The following PCDHA5 variants were observed in gnomAD, a reference collection of about 807,000 sequenced individuals.
PCDHA5 encodes protocadherin alpha-5.
PCDHA5 carries 43 observed loss-of-function variants against 61.6 expected under a neutral mutation model. The observed-to-expected ratio is 0.70, with a 90% CI of 0.55 to 0.90. The LOEUF (loss-of-function observed/expected upper bound fraction) is 0.90, where lower values mean the gene tolerates loss of function less well. Among genes scored for constraint, PCDHA5 ranks in the 40% least tolerant of loss-of-function variants. PCDHA5 has a pLI of 0.00. For missense variants in PCDHA5, 1,298 were observed against 1,222.7 expected (o/e 1.06, Z -0.92); for synonymous variants, 627 against 543.9 (o/e 1.15, Z -2.13).
rs2150530468 is a variant in PCDHA5 at position 140,853,294 on chromosome 5, A to G, written c.2352+29167A>G. On this transcript the variant is annotated intron_variant, in intron 1 of 3. Coordinates refer to ENST00000529859, the MANE Select transcript of PCDHA5 (RefSeq NM_018908.3). The stretch of plus-strand genomic sequence containing the variant: ...CTCTCATCATATGCAAATTCTCAGA[A>G]GGGCTGTGAACACCTTAGTAATAAA... 2 of 982,066 alleles carry G rather than the reference A, an allele frequency of 2.0e-6. 1 individual carries two copies. Among genetic ancestry groups the G allele is most frequent in the Non-Finnish European group, 2.5e-6 (2 of 814,606 alleles). 60.8% of individuals were successfully genotyped at this position (982,066 alleles called of 1,614,324 possible). A position where few individuals can be genotyped will look rare whatever the true frequency, so the allele number is the denominator to read the frequency against.
chr5:140,850,585 A>T lies in PCDHA5; in HGVS notation c.2352+26458A>T. 6.3e-6 allele frequency: 10 copies of T among 1,598,426 alleles called. 3 individuals carry two copies. Among genetic ancestry groups the T allele is most frequent in the African/African-American group, 1.3e-5 (1 of 74,476 alleles). On this transcript the variant is annotated intron_variant, in intron 1 of 3. Transcript: ENST00000529859. ...CCCGAGGTGACGCTGGTGGATGTCA[A>T]CGTGTACCTGATCATCGCCATCTGC... is the stretch of plus-strand genomic sequence containing the variant.
In PCDHA5 at chr5:140,941,764, A is replaced by G. The variant is rs116374830; in HGVS notation, c.2353-37185A>G. 5.7e-3 allele frequency among the ~76,000 whole-genome samples: 869 copies of G among 152,306 alleles called. 7 individuals are homozygous for G. Among genetic ancestry groups the G allele is most frequent in the African/African-American group, 0.018 (768 of 41,560 alleles). ...TTATCAGATTTTCAGTGCTTTTAAG[A>G]TAATTGTTTTAATGTTTTACCCAAG... On this transcript the variant is annotated intron_variant, in intron 1 of 3. Coordinates refer to ENST00000529859, the MANE Select transcript of PCDHA5 (RefSeq NM_018908.3).
rs782163702 is a variant in PCDHA5, at chr5:140,979,042, C to G, written c.2411+35C>G. 3.1e-6 allele frequency: 5 copies of G among 1,612,562 alleles called. No individual in the cohort carries two copies. The South Asian group carries it at 4.4e-5, about 14-fold the overall frequency. Reference sequence around the variant, plus strand: ...TCCCTCCTCATTCACTCAGAAGTAACCTTAACTTGGTATGGCTCAGATAAA... The same window carrying G: ...TCCCTCCTCATTCACTCAGAAGTAAGCTTAACTTGGTATGGCTCAGATAAA... On this transcript the variant is annotated intron_variant, in intron 2 of 3. Coordinates refer to ENST00000529859, the MANE Select transcript of PCDHA5 (RefSeq NM_018908.3).
At chr5:140,927,349 G>T in intron 1 of PCDHA5, 1 of 1,614,016 alleles carries the variant, frequency 6.2e-7, no homozygotes, top group Non-Finnish European at 8.5e-7. Flanking sequence ...AGATGACGAC[G>T]AGGGAAGCAA....
In PCDHA5 at chr5:140,849,851, A is replaced by G. The variant is rs148732691; in HGVS notation, c.2352+25724A>G. 6 of 1,598,254 alleles carry G rather than the reference A, an allele frequency of 3.8e-6. 1 individual carries two copies. The highest frequency in any genetic ancestry group is 2.2e-5 in the East Asian group (1 of 44,844). On this transcript the variant is annotated intron_variant, in intron 1 of 3. Coordinates refer to ENST00000529859, the MANE Select transcript of PCDHA5 (RefSeq NM_018908.3). ...AGGTGGCCGACGTGAACGACAACGC[A>G]CCAGCGTTCGCGCAGTCCGAGTACA...
intron 1 of PCDHA5, among the ~76,000 whole-genome samples, chr5:140,952,668 T>C (rs960968372): frequency 6.6e-6 from 1 of 152,234 alleles, no homozygotes. Context: ...CAAAGTCACT[T>C]TCACATTTTC....
At chr5:140,855,628 C>T (rs1199061647) in intron 1 of PCDHA5, among the ~76,000 whole-genome samples, 1 of 149,588 alleles carries the variant, frequency 6.7e-6, no homozygotes, top group Non-Finnish European at 1.5e-5. Flanking sequence ...TTTTGAAATT[C>T]GGCTATTGAT....
In PCDHA5 at chr5:140,823,775, C is replaced by A. The variant is rs2150129029; in HGVS notation, c.2000C>A (p.Ser667Ter). The change falls in exon 1 of 4, where the codon TCG becomes TAG. Residue 667 changes from serine to a stop codon, truncating the protein, a stop_gained. Coordinates refer to ENST00000529859, the MANE Select transcript of PCDHA5 (RefSeq NM_018908.3). LOFTEE classifies it high-confidence loss of function. ...ACAGCCACAGCCACAGTGCTGGTGTCGCTGGTGGAAAGTGGCCAGGCGCCG... is the reference window on the plus strand; with the variant it reads ...ACAGCCACAGCCACAGTGCTGGTGTAGCTGGTGGAAAGTGGCCAGGCGCCG... ...PLTATATVLV[S>*]LVESGQAPKA... 1.9e-6 allele frequency: 3 copies of A among 1,613,850 alleles called. No individual in the cohort carries two copies. The highest frequency in any genetic ancestry group is 2.7e-5 in the African/African-American group (2 of 75,048).
At position 140,858,007 on chromosome 5, in the gene PCDHA5, T is replaced by A. The variant is rs1383838363; in HGVS notation, c.2352+33880T>A. The stretch of plus-strand genomic sequence containing the variant: ...GCCTACTGGTGCTGGTGAAGGACCA[T>A]GGCGAGCCGTCGCTGACGGCCACGG... On this transcript the variant is annotated intron_variant, in intron 1 of 3. Coordinates refer to ENST00000529859, the MANE Select transcript of PCDHA5 (RefSeq NM_018908.3). The A allele has an allele frequency of 8.8e-6, 14 of 1,596,616 alleles. 1 individual carries two copies. Among genetic ancestry groups the A allele is most frequent in the Non-Finnish European group, 1.1e-5 (13 of 1,167,062 alleles).
chr5:140,941,202 C>CCTTTTCTTCCTTTCTTT (rs2092814043), intron 1 of PCDHA5, among the ~76,000 whole-genome samples: 1 of 122,742 alleles, frequency 8.1e-6, no homozygotes, highest in Non-Finnish European at 1.8e-5. Flanking sequence ...TTTCTTTCTT[C>CCTTTTCTTCCTTTCTTT]CTTTCTTTCT....
chr5:140,920,387 A>G (rs1163833842), intron 1 of PCDHA5, among the ~76,000 whole-genome samples: 3 of 152,098 alleles, frequency 2.0e-5, no homozygotes, highest in African/African-American at 7.2e-5. Context: ...TCATATTACC[A>G]TCTGGTGTCT....
chr5:140,824,046 G>C lies in PCDHA5; in HGVS notation c.2271G>C (p.Val757=), dbSNP rs2150131772. Residue 757 remains valine, a synonymous_variant, in exon 1 of 4, where the codon GTG becomes GTC. Coordinates refer to ENST00000529859, the MANE Select transcript of PCDHA5 (RefSeq NM_018908.3). ...ACTCGCAGCAGAGGAGACAGAGGGT[G>C]TGCTCTGGGGAAGCTCCACCCAAAA... ...WSYSQQRRQR[V]CSGEAPPKTD... The C allele has an allele frequency of 1.2e-6, 2 of 1,614,126 alleles. No individual in the cohort carries two copies. The highest frequency in any genetic ancestry group is 1.7e-6 in the Non-Finnish European group (2 of 1,179,990).
intron 1 of PCDHA5, among the ~76,000 whole-genome samples, chr5:140,955,338 C>T (rs1232401709): frequency 6.6e-6 from 1 of 152,062 alleles, no homozygotes; most frequent in African/African-American, 2.4e-5. Flanking sequence ...TCCCATAATC[C>T]CCACATGTTG....
rs2150130376 is a variant in PCDHA5 at position 140,823,924 on chromosome 5, TAC to T, written c.2152_2153del (p.Thr718ArgfsTer73). On this transcript the variant is annotated frameshift_variant, in exon 1 of 4. Transcript: ENST00000529859. LOFTEE classifies it high-confidence loss of function. ...CCTGCTGGTGCTCACGCTGCTGCTG[TAC>T]ACCGCGCTGCGGTGCTCGGCGCAGC... Reference protein sequence around the residue: ...SSLLVLTLLLYTALRCSAQPT... With the variant: ...SSLLVLTLLLXTALRCSAQPT... 1.8e-5 allele frequency: 29 copies of T among 1,613,852 alleles called. No homozygotes were observed. The Admixed American group carries it at 4.8e-4, about 27-fold the overall frequency.
chr5:140,964,952 T>C (rs868971882), intron 1 of PCDHA5, among the ~76,000 whole-genome samples: 1 of 152,190 alleles, frequency 6.6e-6, no homozygotes, highest in South Asian at 2.1e-4. Flanking sequence ...TGAGTGTGCT[T>C]GGTTGGTGGA....
chr5:140,828,181 G>T (rs782434045), intron 1 of PCDHA5: 1 of 1,614,176 alleles, frequency 6.2e-7, no homozygotes, highest in Admixed American at 1.7e-5. Flanking sequence ...GGAGCGGCCA[G>T]CTCCACTACT....
rs2150475793 is a variant in PCDHA5, at chr5:140,850,253, C to T, written c.2352+26126C>T. The T allele has an allele frequency of 4.7e-5, 75 of 1,593,644 alleles. 4 individuals carry two copies. The highest frequency in any genetic ancestry group is 6.3e-5 in the Non-Finnish European group (73 of 1,167,036). On this transcript the variant is annotated intron_variant, in intron 1 of 3. Coordinates refer to ENST00000529859, the MANE Select transcript of PCDHA5 (RefSeq NM_018908.3). ...GCGAGATGGTGCTGCGGTCGGTGGG[C>T]GCCGGCGTAGTGGTGGGGAAGGTGC...
chr5:140,929,651 A>G (rs2086278415), intron 1 of PCDHA5: 2 of 358,222 alleles, frequency 5.6e-6, no homozygotes, highest in East Asian at 8.9e-5. Context: ...AAGGCACTCT[A>G]ATATTTAAAG....
Position 140,822,226 on chromosome 5 carries a change from T to C in PCDHA5, c.451T>C (p.Phe151Leu). Reference protein sequence around the residue: ...ILESRMPDSRFPLEGASDLDI... With the variant: ...ILESRMPDSRLPLEGASDLDI... The stretch of plus-strand genomic sequence containing the variant: ...AGAGTCAAGAATGCCAGATTCGCGG[T>C]TTCCGCTAGAGGGCGCGTCGGATTT... Residue 151 changes from phenylalanine (F) to leucine (L), a missense_variant, in exon 1 of 4, where the codon TTT (phenylalanine) becomes CTT (leucine). Phe to Leu is a conservative substitution (Grantham distance 22). Coordinates refer to ENST00000529859, the MANE Select transcript of PCDHA5 (RefSeq NM_018908.3). 1 of 1,614,276 alleles carries C rather than the reference T, an allele frequency of 6.2e-7. No homozygotes were observed. Among genetic ancestry groups the C allele is most frequent in the Non-Finnish European group, 8.5e-7 (1 of 1,180,048 alleles).
Sources: gnomAD v4.1 joint callset for allele counts (sites outside exome capture counted in the v4.1 genomes callset) on GRCh38, gnomAD v4.1.1 for gene constraint, MANE v1.5 for transcripts, NCBI Gene and HGNC (gene_info 2026-07-23, HGNC 2026-07-21) for gene names.